IQCB1: variants seen among roughly 807,000 people sequenced by gnomAD.
IQCB1 encodes IQ motif containing B1, also known as IQ calmodulin-binding motif-containing protein 1.
Under a neutral mutation model 84.4 loss-of-function variants are expected in IQCB1, and 56 were observed. That is an observed-to-expected ratio of 0.66 (90% CI 0.54 to 0.83). The LOEUF (loss-of-function observed/expected upper bound fraction) is 0.83. Among genes scored for constraint, IQCB1 ranks in the 40% least tolerant of loss-of-function variants. The pLI, the probability that IQCB1 is intolerant of heterozygous loss-of-function variation, is 0.00. For missense variants in IQCB1, 629 were observed against 682.1 expected (o/e 0.92, Z 0.87); for synonymous variants, 210 against 234.8 (o/e 0.89, Z 0.96).
chr3:121,781,255 G>A (rs1948478449), intron 13 of IQCB1, among the ~76,000 whole-genome samples: 1 of 152,170 alleles, frequency 6.6e-6, no homozygotes, highest in Admixed American at 6.5e-5. Context: ...GTCATAGAAA[G>A]TCAAAGATAT....
chr3:121,801,803 G>T, intron 7 of IQCB1, among the ~76,000 whole-genome samples: 1 of 128,176 alleles, frequency 7.8e-6, no homozygotes. Context: ...CTACTTTGCT[G>T]CAAGGCCTTT....
Position 121,826,885 on chromosome 3 carries a change from T to C in IQCB1, c.264-705A>G, listed in dbSNP as rs373524402. 4.6e-5 allele frequency among the ~76,000 whole-genome samples: 7 copies of C among 152,260 alleles called. No homozygotes were observed. In the South Asian group the frequency reaches 1.0e-3, roughly 22 times the overall value. ...TTCAAAAGAGCCTCAAACCCAAGAA[T>C]GGTCTCTATGTGTGTACTCTAATGA... On this transcript the variant is annotated intron_variant, in intron 4 of 14. Transcript: ENST00000310864.
At position 121,828,488 on chromosome 3, in the gene IQCB1, T is replaced by C. The variant is rs373644565; in HGVS notation, c.245A>G (p.Gln82Arg). The stretch of plus-strand genomic sequence containing the variant: ...ATTTTACCTTAATATCTGTGTAAGC[T>C]GGGAAATTGTAGTCCAACCACCCTG... The part of the protein sequence containing the change: ...RIQGGWTTIS[Q>R]LTQILSHCCV... The change falls in exon 4 of 15, where the codon CAG (glutamine) becomes CGG (arginine). Residue 82 changes from glutamine to arginine, a missense_variant. Coordinates refer to ENST00000310864, the MANE Select transcript of IQCB1 (RefSeq NM_001023570.4). 8.7e-6 allele frequency: 14 copies of C among 1,612,988 alleles called. No individual in the cohort carries two copies. In the African/African-American group the frequency reaches 1.5e-4, roughly 17 times the overall value.
chr3:121,808,159 A>C (rs984005500), intron 6 of IQCB1, among the ~76,000 whole-genome samples: 1 of 151,998 alleles, frequency 6.6e-6, no homozygotes, highest in African/African-American at 2.4e-5. Context: ...AACTGAACGT[A>C]GTTGCCTTTG....
chr3:121,770,664 G>C (rs190116158), intron 14 of IQCB1, 90 bp from the exon 15 acceptor site: 2 of 939,326 alleles, frequency 2.1e-6, no homozygotes, highest in East Asian at 2.4e-5. Flanking sequence ...AACTCTGCAG[G>C]CAGAAACAGC....
In IQCB1 at chr3:121,835,052, T is replaced by C. The variant is rs994584180; in HGVS notation, c.-188A>G. The C allele has an allele frequency of 3.1e-5, 18 of 574,580 alleles. No homozygotes were observed. Among genetic ancestry groups the C allele is most frequent in the Middle Eastern group, 9.3e-4 (2 of 2,158 alleles). 35.6% of individuals were successfully genotyped at this position (574,580 alleles called of 1,614,324 possible). A position where few individuals can be genotyped will look rare whatever the true frequency, so the allele number is the denominator to read the frequency against. ...CCGCGGCCTTCCGGGGCAGCGTGCG[T>C]CGCGACGCGGGAAGGGGCCTGGAGG... On this transcript the variant is annotated 5_prime_UTR_variant, in exon 1 of 15. Transcript: ENST00000310864.
rs888281595 is a variant in IQCB1, at chr3:121,770,250, T to C, written c.*95A>G. On this transcript the variant is annotated 3_prime_UTR_variant, in exon 15 of 15. Coordinates refer to ENST00000310864, the MANE Select transcript of IQCB1 (RefSeq NM_001023570.4). The stretch of plus-strand genomic sequence containing the variant: ...CTGGAGGAGAACCTCTGGAAAATAA[T>C]AAGTTAGGATGGCCCTAGTCTACCA... 3 of 797,628 alleles carry C rather than the reference T, an allele frequency of 3.8e-6. No individual in the cohort carries two copies. The highest frequency in any genetic ancestry group is 6.4e-6 in the Non-Finnish European group (3 of 470,164). The allele number at this position is 797,628 out of a possible 1,614,324, so 49.4% of individuals were successfully genotyped here.
chr3:121,809,706 A>G (rs747287570), intron 5 of IQCB1, among the ~76,000 whole-genome samples: 28 of 152,064 alleles, frequency 1.8e-4, no homozygotes, highest in Non-Finnish European at 3.8e-4. Flanking sequence ...AGGAGAAATA[A>G]GAAGTATAGA....
At chr3:121,774,175 G>A (rs1948126190) in intron 13 of IQCB1, among the ~76,000 whole-genome samples, 1 of 152,090 alleles carries the variant, frequency 6.6e-6, no homozygotes, top group African/African-American at 2.4e-5. Flanking sequence ...ATAAACACAT[G>A]AAAAGATGCT....
At chr3:121,834,261 C>A (rs1708128947) in intron 2 of IQCB1, 130 bp downstream of exon 2, 1 of 152,196 alleles carries the variant, frequency 6.6e-6, no homozygotes, top group African/African-American at 2.4e-5. Context: ...TGAAAAACCA[C>A]CTGTTATGGA....
At chr3:121,795,199 T>C (rs1949130955) in intron 10 of IQCB1, among the ~76,000 whole-genome samples, 1 of 152,180 alleles carries the variant, frequency 6.6e-6, no homozygotes, top group East Asian at 1.9e-4. Flanking sequence ...TTGGCTCCCT[T>C]TGTAGGCTTG....
intron 13 of IQCB1, among the ~76,000 whole-genome samples, chr3:121,775,652 A>G (rs1470225108): frequency 1.3e-5 from 2 of 152,156 alleles, no homozygotes; most frequent in Non-Finnish European, 2.9e-5. Flanking sequence ...TTCATTGGCC[A>G]TGTTTTATTG....
At chr3:121,792,808 C>T (rs962549568) in intron 10 of IQCB1, among the ~76,000 whole-genome samples, 30 of 152,146 alleles carry the variant, frequency 2.0e-4, no homozygotes, top group Admixed American at 6.5e-4. Flanking sequence ...GTAATTCCCC[C>T]ATTTATTATT....
intron 3 of IQCB1, 89 bp downstream of exon 3, chr3:121,828,772 A>G: frequency 2.9e-6 from 3 of 1,047,366 alleles, no homozygotes; most frequent in Non-Finnish European, 4.4e-6. Flanking sequence ...GACCTCTCTG[A>G]ACAAATTTAA....
At chr3:121,787,189 T>A (rs940454187) in intron 12 of IQCB1, among the ~76,000 whole-genome samples, 2 of 148,276 alleles carry the variant, frequency 1.3e-5, no homozygotes. Context: ...TTTGGATGAT[T>A]AAAAAAAAAA....
chr3:121,786,201 A>AG (rs1559760943), intron 12 of IQCB1, among the ~76,000 whole-genome samples: 20 of 146,186 alleles, frequency 1.4e-4, no homozygotes, highest in African/African-American at 4.4e-4. Flanking sequence ...AAAAGAAAAG[A>AG]AAAGAAAAGA....
intron 5 of IQCB1, among the ~76,000 whole-genome samples, chr3:121,810,717 T>C (rs1949794124): frequency 6.6e-6 from 1 of 152,094 alleles, no homozygotes; most frequent in Admixed American, 6.5e-5. Flanking sequence ...CAGAAATTAT[T>C]TTACAAATGA....
chr3:121,830,436 G>C (rs1287593182), intron 2 of IQCB1, among the ~76,000 whole-genome samples: 1 of 151,614 alleles, frequency 6.6e-6, no homozygotes, highest in Non-Finnish European at 1.5e-5. Flanking sequence ...GAAGCTCAAA[G>C]ATATCCTTAT....
At chr3:121,809,885 A>AT (rs1949759193) in intron 5 of IQCB1, among the ~76,000 whole-genome samples, 1 of 151,548 alleles carries the variant, frequency 6.6e-6, no homozygotes, top group Non-Finnish European at 1.5e-5. Context: ...TAATGAAAGT[A>AT]TTTTTTTCCT....
Sources: gnomAD v4.1 joint callset for allele counts (sites outside exome capture counted in the v4.1 genomes callset) on GRCh38, gnomAD v4.1.1 for gene constraint, MANE v1.5 for transcripts, NCBI Gene and HGNC (gene_info 2026-07-23, HGNC 2026-07-21) for gene names.